Variants in EEF2K observed in about 807,000 individuals in gnomAD.
The protein encoded by EEF2K is alternative protein EEF2K.
In EEF2K, 70 loss-of-function variants were observed where a neutral mutation model predicts 93.8. The observed-to-expected ratio is 0.75, with a 90% CI of 0.62 to 0.91. EEF2K has a LOEUF of 0.91. EEF2K is among the 40% of genes least tolerant of loss of function. The probability of loss-of-function intolerance (pLI) is 0.00; values close to 1 mark genes in which losing one functional copy is unlikely to be tolerated. For missense variants in EEF2K, 935 were observed against 972.9 expected (o/e 0.96, Z 0.52); for synonymous variants, 376 against 380.8 (o/e 0.99, Z 0.15).
chr16:22,256,721 G>T (rs952153699), intron 6 of EEF2K, 27 bp from the exon 7 acceptor site: 6 of 1,609,466 alleles, frequency 3.7e-6, no homozygotes, highest in Middle Eastern at 1.8e-4. Flanking sequence ...GGGCCCTCCC[G>T]CCTGAGCCCA....
intron 2 of EEF2K, among the ~76,000 whole-genome samples, chr16:22,229,532 G>A (rs11863197): frequency 0.099 from 15,128 of 152,096 alleles, 1,358 homozygotes; most frequent in East Asian, 0.51. Flanking sequence ...GCGAAACCCC[G>A]TCTCTACGAA....
chr16:22,258,788 A>G, intron 10 of EEF2K, 93 bp downstream of exon 10: 3 of 1,529,776 alleles, frequency 2.0e-6, no homozygotes, highest in Non-Finnish European at 1.8e-6. Context: ...AAAATCAGAC[A>G]TGCTAATCGA....
intron 1 of EEF2K, among the ~76,000 whole-genome samples, chr16:22,207,691 T>C (rs1162467021): frequency 6.6e-6 from 1 of 152,120 alleles, no homozygotes; most frequent in East Asian, 1.9e-4. Flanking sequence ...TAGTCTATCC[T>C]AATGTTTTTA....
intron 2 of EEF2K, among the ~76,000 whole-genome samples, chr16:22,235,630 TG>T (rs1317239984): frequency 1.3e-5 from 2 of 152,120 alleles, no homozygotes; most frequent in Non-Finnish European, 2.9e-5. Flanking sequence ...CCCAAGTAGC[TG>T]GGATTACAGG....
At chr16:22,231,486 G>A (rs912649868) in intron 2 of EEF2K, among the ~76,000 whole-genome samples, 14 of 152,034 alleles carry the variant, frequency 9.2e-5, no homozygotes, top group Non-Finnish European at 1.9e-4. Context: ...ATTTGAAGGG[G>A]AAGTTTGCAC....
chr16:22,215,794 G>A (rs981036184), intron 1 of EEF2K, among the ~76,000 whole-genome samples: 2 of 152,072 alleles, frequency 1.3e-5, no homozygotes, highest in Non-Finnish European at 2.9e-5. Context: ...GTGTGGTGGC[G>A]GGTGCCTGTA....
chr16:22,281,109 T>G (rs1306457571), intron 17 of EEF2K, among the ~76,000 whole-genome samples: 1 of 151,236 alleles, frequency 6.6e-6, no homozygotes, highest in East Asian at 1.9e-4. Flanking sequence ...CTGTTTTTAG[T>G]AGAGATGGGG....
intron 2 of EEF2K, among the ~76,000 whole-genome samples, chr16:22,229,427 G>A (rs1053894547): frequency 6.6e-6 from 1 of 152,144 alleles, no homozygotes; most frequent in African/African-American, 2.4e-5. Flanking sequence ...AAAGAAGACG[G>A]GGAGAAGCCG....
chr16:22,208,354 C>T (rs2046884222), intron 1 of EEF2K, among the ~76,000 whole-genome samples: 1 of 152,144 alleles, frequency 6.6e-6, no homozygotes, highest in Non-Finnish European at 1.5e-5. Context: ...GAGCCCCCAT[C>T]TCTACTAAAA....
At chr16:22,280,928 G>T (rs530410444) in intron 17 of EEF2K, among the ~76,000 whole-genome samples, 15 of 152,176 alleles carry the variant, frequency 9.9e-5, no homozygotes, top group African/African-American at 3.6e-4. Flanking sequence ...CTCCCAAAGT[G>T]CTGGATTACA....
chr16:22,223,857 T>C (rs2047038005), intron 1 of EEF2K, among the ~76,000 whole-genome samples: 1 of 152,170 alleles, frequency 6.6e-6, no homozygotes, highest in Non-Finnish European at 1.5e-5. Context: ...TGAGCTTCTA[T>C]TGGACATTTG....
chr16:22,215,337 C>G (rs1057129466), intron 1 of EEF2K, among the ~76,000 whole-genome samples: 2 of 152,078 alleles, frequency 1.3e-5, no homozygotes, highest in African/African-American at 4.8e-5. Context: ...ATTCGCCTGC[C>G]TCAGAGGCAC....
At chr16:22,251,865 C>T (rs747991359) in intron 6 of EEF2K, among the ~76,000 whole-genome samples, 2 of 152,152 alleles carry the variant, frequency 1.3e-5, no homozygotes, top group Non-Finnish European at 2.9e-5. Flanking sequence ...ATAATTACAG[C>T]TCACTGCAGC....
chr16:22,245,107 C>G (rs1220996258), intron 3 of EEF2K, among the ~76,000 whole-genome samples: 1 of 151,896 alleles, frequency 6.6e-6, no homozygotes, highest in Non-Finnish European at 1.5e-5. Context: ...ACTAAAAATA[C>G]AAAAATTAGC....
Position 22,223,083 on chromosome 16 carries a change from C to A in EEF2K, c.-76-2571C>A, listed in dbSNP as rs191144923. On this transcript the variant is annotated intron_variant, in intron 1 of 17. Coordinates refer to ENST00000263026, the MANE Select transcript of EEF2K (RefSeq NM_013302.5). ...TTTTCTATTGCTGTTGCTTTGCCTT[C>A]TCTGGAAGTTTCATATACAGAGAAT... Among the ~76,000 whole-genome samples the A allele has an allele frequency of 3.9e-5, 6 of 152,176 alleles. 1 individual carries two copies. The highest frequency in any genetic ancestry group is 6.6e-5 in the Admixed American group (1 of 15,252).
Position 22,280,378 on chromosome 16 carries a change from T to C in EEF2K, c.2068+2T>C. 1 of 1,522,406 alleles carries C rather than the reference T, an allele frequency of 6.6e-7. No individual in the cohort carries two copies. The highest frequency in any genetic ancestry group is 8.8e-7 in the Non-Finnish European group (1 of 1,131,262). The allele number at this position is 1,522,406 out of a possible 1,614,324, so 94.3% of individuals were successfully genotyped here. On this transcript the variant is annotated splice_donor_variant, in intron 17 of 17. Transcript: ENST00000263026. LOFTEE classifies it high-confidence loss of function. Reference sequence around the variant, plus strand: ...TGGAGAAGGACCCGCAGAGATCAGGTAGGGCCTGGCAGACCTGCCCCTGGG... The same window carrying C: ...TGGAGAAGGACCCGCAGAGATCAGGCAGGGCCTGGCAGACCTGCCCCTGGG...
At chr16:22,274,738 G>A (rs1222637870) in intron 16 of EEF2K, among the ~76,000 whole-genome samples, 1 of 152,102 alleles carries the variant, frequency 6.6e-6, no homozygotes, top group Non-Finnish European at 1.5e-5. Flanking sequence ...CTCCTGAGTA[G>A]GTGGGACTAC....
At chr16:22,260,346 A>AG in intron 10 of EEF2K, 116 bp from the exon 11 acceptor site, 1 of 977,256 alleles carries the variant, frequency 1.0e-6, no homozygotes, top group African/African-American at 2.0e-5. Flanking sequence ...CTTTCTTTAA[A>AG]GCTTAAAAAA....
At chr16:22,243,565 T>C (rs978089432) in intron 2 of EEF2K, among the ~76,000 whole-genome samples, 2 of 151,340 alleles carry the variant, frequency 1.3e-5, no homozygotes, top group Non-Finnish European at 2.9e-5. Context: ...CCTAGAAAAG[T>C]TTTATACCCC....
Sources: allele counts gnomAD v4.1 joint callset (sites outside exome capture counted in the v4.1 genomes callset), GRCh38; gene constraint gnomAD v4.1.1; transcripts MANE v1.5; gene names NCBI Gene and HGNC (gene_info 2026-07-23, HGNC 2026-07-21).